ARFGEF2: variants seen among roughly 807,000 people sequenced by gnomAD.
ARFGEF2 encodes the protein brefeldin A-inhibited guanine nucleotide-exchange protein 2.
Under a neutral mutation model 219.9 loss-of-function variants are expected in ARFGEF2, and 74 were observed. The ratio of observed to expected loss-of-function variants is 0.34; its 90% CI spans 0.28 to 0.41. ARFGEF2 has a LOEUF of 0.41. Among genes scored for constraint, ARFGEF2 ranks in the 10% least tolerant of loss-of-function variants. The pLI, the probability that ARFGEF2 is intolerant of heterozygous loss-of-function variation, is 1.00. For synonymous variants in ARFGEF2, 733 were observed against 799.2 expected, an observed-to-expected ratio of 0.92 and a Z score of 1.40; for missense variants, 1,743 against 2,218.3, an observed-to-expected ratio of 0.79 and a Z score of 4.30.
In ARFGEF2 at chr20:49,034,847, T is replaced by A. The variant is rs1458999271; in HGVS notation, c.*1648T>A. The A allele has an allele frequency of 6.6e-6, 1 of 152,178 alleles. No individual in the cohort carries two copies. Among genetic ancestry groups the A allele is most frequent in the Non-Finnish European group, 1.5e-5 (1 of 68,038 alleles). 9.4% of individuals were successfully genotyped at this position (152,178 alleles called of 1,614,324 possible). A position where few individuals can be genotyped will look rare whatever the true frequency, so the allele number is the denominator to read the frequency against. On this transcript the variant is annotated 3_prime_UTR_variant, in exon 39 of 39. Transcript: ENST00000371917. ...CAGAATTCTTGTCTACTTTTTTCTT[T>A]CCCAAAAAGTGTTTTTTAATTTCTC...
In ARFGEF2 at chr20:49,001,054, C is replaced by CTTTTTTTTTTTTTTTTTTTTTTTTTTTTT. The variant is rs66754799; in HGVS notation, c.3432+2574_3432+2575insTTTTTTTTTTTTTTTTTTTTTTTTTTTTT. Among the ~76,000 whole-genome samples the CTTTTTTTTTTTTTTTTTTTTTTTTTTTTT allele has an allele frequency of 5.0e-5, 3 of 60,562 alleles. 1 individual carries two copies. Among genetic ancestry groups the CTTTTTTTTTTTTTTTTTTTTTTTTTTTTT allele is most frequent in the Non-Finnish European group, 9.8e-5 (3 of 30,458 alleles). The allele number at this position is 60,562 out of a possible 152,430, so 39.7% of individuals were successfully genotyped here. On this transcript the variant is annotated intron_variant, in intron 25 of 38. Transcript: ENST00000371917. Reference sequence around the variant, plus strand: ...CCAGGTCATGGAAAACTCAGGAACTCTTTTTTTTTTTTTTTTTTTTTTTTT... The same window carrying CTTTTTTTTTTTTTTTTTTTTTTTTTTTTT: ...CCAGGTCATGGAAAACTCAGGAACTCTTTTTTTTTTTTTTTTTTTTTTTTTTTTTTTTTTTTTTTTTTTTTTTTTTTTTT...
chr20:49,008,368 G>A (rs573466953), intron 26 of ARFGEF2, among the ~76,000 whole-genome samples: 4 of 152,036 alleles, frequency 2.6e-5, no homozygotes, highest in Non-Finnish European at 5.9e-5. Flanking sequence ...TTCGAGACCA[G>A]CCTGGCCAAC....
chr20:48,939,184 A>G (rs2090979122), intron 1 of ARFGEF2, among the ~76,000 whole-genome samples: 1 of 151,932 alleles, frequency 6.6e-6, no homozygotes, highest in South Asian at 2.1e-4. Context: ...CATGTTGGTC[A>G]GGCTGGTCTC....
chr20:49,032,831 G>A (rs1213255923), intron 38 of ARFGEF2, among the ~76,000 whole-genome samples, 192 bp from the exon 39 acceptor site: 1 of 151,994 alleles, frequency 6.6e-6, no homozygotes, highest in African/African-American at 2.4e-5. Flanking sequence ...GAGCTCAAGC[G>A]ATCCACCTGC....
intron 25 of ARFGEF2, among the ~76,000 whole-genome samples, chr20:49,004,855 G>A (rs772512316): frequency 2.6e-5 from 4 of 152,052 alleles, no homozygotes; most frequent in East Asian, 3.8e-4. Flanking sequence ...CATTTTAAAT[G>A]CATATTTAAT....
Position 49,032,883 on chromosome 20 carries a change from G to A in ARFGEF2, c.5182-140G>A, listed in dbSNP as rs2091644887. On this transcript the variant is annotated intron_variant, in intron 38 of 38. Transcript: ENST00000371917. ...GCTGGGATTATAGGCGTGAATCACTGCGCTCGGCCCCAACTTTCTAATAGC... is the reference window on the plus strand; with the variant it reads ...GCTGGGATTATAGGCGTGAATCACTACGCTCGGCCCCAACTTTCTAATAGC... 3 of 861,948 alleles carry A rather than the reference G, an allele frequency of 3.5e-6. No individual in the cohort carries two copies. The South Asian group carries it at 4.6e-5, about 13-fold the overall frequency. 53.4% of individuals were successfully genotyped at this position (861,948 alleles called of 1,614,324 possible). A position where few individuals can be genotyped will look rare whatever the true frequency, so the allele number is the denominator to read the frequency against.
intron 3 of ARFGEF2, among the ~76,000 whole-genome samples, chr20:48,948,500 A>G (rs1005896451): frequency 1.2e-4 from 18 of 152,206 alleles, no homozygotes; most frequent in African/African-American, 4.3e-4. Flanking sequence ...GGCAAAGTAA[A>G]TAGAACCAAC....
chr20:48,998,455 C>T lies in ARFGEF2; in HGVS notation c.3382C>T (p.Arg1128Ter), dbSNP rs2091404881. The T allele has an allele frequency of 6.2e-7, 1 of 1,613,544 alleles. No individual in the cohort carries two copies. Among genetic ancestry groups the T allele is most frequent in the Non-Finnish European group, 8.5e-7 (1 of 1,180,002 alleles). Residue 1128 changes from arginine to a stop codon, truncating the protein, a stop_gained, in exon 25 of 39, where the codon CGA becomes TGA. Coordinates refer to ENST00000371917, the MANE Select transcript of ARFGEF2 (RefSeq NM_006420.3). LOFTEE classifies it high-confidence loss of function. ...ATCATACTACAACATGAATCGGATC[C>T]GACTACAGTGGTCTCGAATATGGCA... ...EISYYNMNRIRLQWSRIWHVI... is the reference protein window; with the variant it reads ...EISYYNMNRI
intron 6 of ARFGEF2, among the ~76,000 whole-genome samples, chr20:48,961,567 A>C (rs1464747521): frequency 1.3e-5 from 2 of 151,526 alleles, no homozygotes; most frequent in East Asian, 3.9e-4. Context: ...CAATGACAAT[A>C]AAGAGTATAG....
intron 6 of ARFGEF2, among the ~76,000 whole-genome samples, chr20:48,958,644 G>A (rs776283203): frequency 4.6e-5 from 7 of 151,480 alleles, no homozygotes; most frequent in Non-Finnish European, 7.4e-5. Context: ...GTGTTTCACC[G>A]CGCTAGCCAG....
chr20:49,032,265 A>C, intron 38 of ARFGEF2, 99 bp downstream of exon 38: 1 of 864,296 alleles, frequency 1.2e-6, no homozygotes, highest in Admixed American at 1.7e-5. Context: ...CAGTTCTCCC[A>C]AGGATGGTTA....
At chr20:49,018,509 T>A (rs2091544966) in intron 33 of ARFGEF2, among the ~76,000 whole-genome samples, 1 of 152,242 alleles carries the variant, frequency 6.6e-6, no homozygotes, top group Non-Finnish European at 1.5e-5. Flanking sequence ...GTGCTGGGAT[T>A]ACAGGCATGA....
At chr20:48,983,113 A>G (rs1253498961) in intron 14 of ARFGEF2, among the ~76,000 whole-genome samples, 1 of 152,176 alleles carries the variant, frequency 6.6e-6, no homozygotes, top group African/African-American at 2.4e-5. Flanking sequence ...AGCTGTTCCT[A>G]TTTGGCCATC....
At chr20:49,031,944 CAT>C in intron 37 of ARFGEF2, 103 bp from the exon 38 acceptor site, 1 of 910,134 alleles carries the variant, frequency 1.1e-6, no homozygotes, top group Non-Finnish European at 1.8e-6. Flanking sequence ...TTAAAAAAAA[CAT>C]GTTAAAATAA....
chr20:49,003,810 G>T (rs944463844), intron 25 of ARFGEF2, among the ~76,000 whole-genome samples: 2 of 152,078 alleles, frequency 1.3e-5, no homozygotes, highest in Non-Finnish European at 2.9e-5. Flanking sequence ...CATAACTCCA[G>T]TTCCTAAAAG....
At chr20:49,030,764 C>T (rs1447898407) in intron 37 of ARFGEF2, among the ~76,000 whole-genome samples, 2 of 152,130 alleles carry the variant, frequency 1.3e-5, no homozygotes, top group East Asian at 3.9e-4. Context: ...TTTGGGAGGC[C>T]GAGCCAGGTG....
At chr20:49,011,830 T>C in intron 27 of ARFGEF2, 94 bp from the exon 28 acceptor site, 1 of 1,305,250 alleles carries the variant, frequency 7.7e-7, no homozygotes. Context: ...ATCTCTGATG[T>C]ATGTGTGTGT....
At chr20:48,965,777 T>C in intron 7 of ARFGEF2, 95 bp from the exon 8 acceptor site, 3 of 1,462,852 alleles carry the variant, frequency 2.1e-6, no homozygotes, top group South Asian at 2.3e-5. Flanking sequence ...AAGCAACAGC[T>C]GGGAGGTTCA....
chr20:49,033,965 A>ATAAG lies in ARFGEF2; in HGVS notation c.*769_*772dup, dbSNP rs2091652251. 1 of 152,264 alleles carries ATAAG rather than the reference A, an allele frequency of 6.6e-6. No individual in the cohort carries two copies. The highest frequency in any genetic ancestry group is 6.5e-5 in the Admixed American group (1 of 15,290). 9.4% of individuals were successfully genotyped at this position (152,264 alleles called of 1,614,324 possible). ...ATGAAGATGATTAGCCTTCCTTGAA[A>ATAAG]TAAGTATTTGTGGATGGGTGTTAAA... On this transcript the variant is annotated 3_prime_UTR_variant, in exon 39 of 39. Coordinates refer to ENST00000371917, the MANE Select transcript of ARFGEF2 (RefSeq NM_006420.3).
Sources: allele counts gnomAD v4.1 joint callset (sites outside exome capture counted in the v4.1 genomes callset), GRCh38; gene constraint gnomAD v4.1.1; transcripts MANE v1.5; gene names NCBI Gene and HGNC (gene_info 2026-07-23, HGNC 2026-07-21).